Variants in GAP43 observed in about 807,000 individuals in gnomAD.
The protein encoded by GAP43 is growth associated protein 43, also known as neuromodulin.
A neutral mutation model predicts 18.6 loss-of-function variants in GAP43; 6 were observed. The observed-to-expected ratio is 0.32, with a 90% CI of 0.18 to 0.64. The LOEUF is 0.64. Among genes scored for constraint, GAP43 ranks in the 30% least tolerant of loss-of-function variants. GAP43 has a pLI of 0.78. For missense variants in GAP43, 292 were observed against 295.5 expected (o/e 0.99, Z 0.09); for synonymous variants, 115 against 111.4 (o/e 1.03, Z -0.20).
chr3:115,708,068 C>T (rs1247275631), intron 2 of GAP43, among the ~76,000 whole-genome samples: 1 of 152,048 alleles, frequency 6.6e-6, no homozygotes, highest in Admixed American at 6.6e-5. Flanking sequence ...ACATACTTTC[C>T]AGGCATGTTT....
chr3:115,641,187 C>T (rs968099796), intron 1 of GAP43, among the ~76,000 whole-genome samples: 4 of 151,602 alleles, frequency 2.6e-5, no homozygotes, highest in African/African-American at 7.3e-5. Context: ...TTCCTCCATT[C>T]TACCAAACCA....
At chr3:115,677,433 G>T (rs1019728869) in intron 2 of GAP43, among the ~76,000 whole-genome samples, 1 of 152,048 alleles carries the variant, frequency 6.6e-6, no homozygotes, top group South Asian at 2.1e-4. Context: ...AAGTTGGAGG[G>T]TTTTCACTAT....
intron 1 of GAP43, among the ~76,000 whole-genome samples, chr3:115,630,637 T>A (rs1032540265): frequency 2.0e-5 from 3 of 152,216 alleles, no homozygotes; most frequent in African/African-American, 7.2e-5. Context: ...CTTCAACTGG[T>A]AAGGTTCAGT....
At chr3:115,629,647 A>G (rs948226055) in intron 1 of GAP43, among the ~76,000 whole-genome samples, 1 of 152,044 alleles carries the variant, frequency 6.6e-6, no homozygotes, top group Non-Finnish European at 1.5e-5. Context: ...ACTATTTGAC[A>G]TTTATTTTTT....
chr3:115,679,443 C>T (rs1029945070), intron 2 of GAP43, among the ~76,000 whole-genome samples: 2 of 152,262 alleles, frequency 1.3e-5, no homozygotes, highest in Non-Finnish European at 2.9e-5. Flanking sequence ...AGTATGTCCA[C>T]CTCTCCCTAG....
intron 1 of GAP43, among the ~76,000 whole-genome samples, chr3:115,660,564 T>C (rs1242336675): frequency 6.6e-6 from 1 of 152,230 alleles, no homozygotes; most frequent in Non-Finnish European, 1.5e-5. Flanking sequence ...TTGCTGCTGA[T>C]TATTTCTCTG....
chr3:115,693,270 G>T (rs1391529683), intron 2 of GAP43, among the ~76,000 whole-genome samples: 2 of 152,048 alleles, frequency 1.3e-5, no homozygotes, highest in Non-Finnish European at 2.9e-5. Context: ...TTAACCAAAG[G>T]GAGTAATTGG....
intron 1 of GAP43, among the ~76,000 whole-genome samples, chr3:115,666,001 T>A (rs1355790833): frequency 5.0e-5 from 7 of 139,754 alleles, no homozygotes; most frequent in African/African-American, 2.3e-4. Flanking sequence ...TGTGTGTGTG[T>A]GTGTGTGTGT....
At chr3:115,704,753 G>A (rs112790132) in intron 2 of GAP43, among the ~76,000 whole-genome samples, 4,554 of 152,160 alleles carry the variant, frequency 0.03, 93 homozygotes, top group Non-Finnish European at 0.042. Context: ...GGCTATGAAA[G>A]GCAATATGAT....
rs1024154446 is a variant in GAP43, at chr3:115,644,185, G to A, written c.30+20466G>A. 6.6e-6 allele frequency among the ~76,000 whole-genome samples: 1 copy of A among 152,040 alleles called. No homozygotes were observed. The highest frequency in any genetic ancestry group is 1.5e-5 in the Non-Finnish European group (1 of 67,962). ...TATTTTAATTGTTTAAATATTTGGG[G>A]AGGATTGTCCTGCTGTGGTAAATTT... On this transcript the variant is annotated intron_variant, in intron 1 of 2. Transcript: ENST00000305124. This position sits in a 1 kb window ranked among gnomAD's most constrained non-coding sequence, Gnocchi z 4.2.
intron 2 of GAP43, among the ~76,000 whole-genome samples, chr3:115,699,410 G>T (rs930320426): frequency 4.6e-5 from 7 of 152,004 alleles, no homozygotes; most frequent in African/African-American, 1.7e-4. Context: ...CCTGAGAGTC[G>T]TTACTACTCA....
chr3:115,641,729 T>G (rs1708399844), intron 1 of GAP43, among the ~76,000 whole-genome samples: 1 of 152,114 alleles, frequency 6.6e-6, no homozygotes, highest in African/African-American at 2.4e-5. Flanking sequence ...ATGGTGATAA[T>G]TATCATTGAC....
intron 1 of GAP43, among the ~76,000 whole-genome samples, chr3:115,640,068 TG>T (rs1161244205): frequency 6.6e-6 from 1 of 152,074 alleles, no homozygotes; most frequent in Non-Finnish European, 1.5e-5. Flanking sequence ...AGTTTCAAAC[TG>T]GTAACTTGGA....
chr3:115,707,656 G>T (rs192090202), intron 2 of GAP43, among the ~76,000 whole-genome samples: 1 of 151,962 alleles, frequency 6.6e-6, no homozygotes, highest in African/African-American at 2.4e-5. Flanking sequence ...ACTACTTTGC[G>T]CATCTAAAAA....
intron 1 of GAP43, among the ~76,000 whole-genome samples, chr3:115,638,679 A>G (rs1016446429): frequency 1.3e-5 from 2 of 151,590 alleles, no homozygotes; most frequent in African/African-American, 4.8e-5. Context: ...GGTCCATATT[A>G]TTTCATCCTT....
intron 1 of GAP43, among the ~76,000 whole-genome samples, chr3:115,646,424 G>A (rs910458182): frequency 6.6e-6 from 1 of 152,092 alleles, no homozygotes; most frequent in African/African-American, 2.4e-5. Flanking sequence ...GATAGTAGCT[G>A]AAGAATAAGA....
At chr3:115,702,523 G>C (rs781324044) in intron 2 of GAP43, among the ~76,000 whole-genome samples, 6 of 152,074 alleles carry the variant, frequency 3.9e-5, no homozygotes, top group Non-Finnish European at 8.8e-5. Context: ...TTTTAAGAAG[G>C]TGTCAAAGCC....
intron 2 of GAP43, among the ~76,000 whole-genome samples, chr3:115,686,126 C>T (rs1408728068): frequency 6.6e-6 from 1 of 152,216 alleles, no homozygotes; most frequent in African/African-American, 2.4e-5. Flanking sequence ...GTGCTAATAT[C>T]TTGCTGTCAG....
intron 2 of GAP43, among the ~76,000 whole-genome samples, chr3:115,707,891 T>C (rs1249163821): frequency 6.6e-6 from 1 of 152,094 alleles, no homozygotes; most frequent in Non-Finnish European, 1.5e-5. Context: ...ATGGTAACAT[T>C]ATAGGACCAC....
Sources: allele counts gnomAD v4.1 joint callset (sites outside exome capture counted in the v4.1 genomes callset), GRCh38; gene constraint gnomAD v4.1.1; non-coding constraint Gnocchi (gnomAD v3.1); transcripts MANE v1.5; gene names NCBI Gene and HGNC (gene_info 2026-07-23, HGNC 2026-07-21).